STK33: variants seen among roughly 807,000 people sequenced by gnomAD.
The protein encoded by STK33 is serine/threonine kinase 33.
In STK33, 52 loss-of-function variants were observed where a neutral mutation model predicts 58.0. The ratio of observed to expected loss-of-function variants is 0.90; its 90% CI spans 0.72 to 1.13. STK33 has a LOEUF of 1.13. STK33 is among the 50% of genes most tolerant of loss of function. The pLI is 0.00. For missense variants in STK33, 630 were observed against 604.2 expected, an observed-to-expected ratio of 1.04 and a Z score of -0.45; for synonymous variants, 215 against 200.1, an observed-to-expected ratio of 1.07 and a Z score of -0.63.
chr11:8,582,833 A>G (rs1347506672), intron 1 of STK33, among the ~76,000 whole-genome samples: 6 of 152,202 alleles, frequency 3.9e-5, no homozygotes, highest in Non-Finnish European at 1.5e-5. Context: ...TAAGTCACCA[A>G]AGCAAACCCT....
chr11:8,353,368 C>T, the STK33 span, among the ~76,000 whole-genome samples: 7 of 152,328 alleles, frequency 4.6e-5, no homozygotes, highest in South Asian at 8.3e-4. Context: ...TCAAAGCGTC[C>T]TTTTGTCTCT....
chr11:8,579,214 T>A (rs1380376480), intron 1 of STK33, among the ~76,000 whole-genome samples: 1 of 151,994 alleles, frequency 6.6e-6, no homozygotes, highest in African/African-American at 2.4e-5. Flanking sequence ...TGTGAGCAAT[T>A]AGGAACCATC....
intron 1 of STK33, among the ~76,000 whole-genome samples, chr11:8,495,367 T>C (rs1950977538): frequency 6.6e-6 from 1 of 152,150 alleles, no homozygotes; most frequent in Admixed American, 6.5e-5. Flanking sequence ...TCACTGGTCA[T>C]TAGAGAAATG....
intron 1 of STK33, among the ~76,000 whole-genome samples, chr11:8,491,506 T>C (rs1056662469): frequency 6.6e-6 from 1 of 152,220 alleles, no homozygotes; most frequent in South Asian, 2.1e-4. Flanking sequence ...TGGAACCAAG[T>C]TGGAAAACAC....
chr11:8,430,782 T>C (rs1403995634), intron 14 of STK33, among the ~76,000 whole-genome samples: 1 of 152,146 alleles, frequency 6.6e-6, no homozygotes, highest in Non-Finnish European at 1.5e-5. Flanking sequence ...CAATAAATAT[T>C]TGTTGAATTA....
At chr11:8,473,625 TC>T (rs765510523) in intron 5 of STK33, among the ~76,000 whole-genome samples, 2 of 152,280 alleles carry the variant, frequency 1.3e-5, no homozygotes, top group East Asian at 3.9e-4. Flanking sequence ...ACAACCATTA[TC>T]AAACAGCTTA....
chr11:8,434,536 T>C (rs955275024), intron 14 of STK33, among the ~76,000 whole-genome samples: 2 of 152,196 alleles, frequency 1.3e-5, no homozygotes, highest in African/African-American at 4.8e-5. Flanking sequence ...CTGCACACTA[T>C]ATCGTAAAGA....
At chr11:8,443,706 A>G (rs1046010472) in intron 11 of STK33, among the ~76,000 whole-genome samples, 5 of 152,192 alleles carry the variant, frequency 3.3e-5, no homozygotes, top group Non-Finnish European at 5.9e-5. Flanking sequence ...AAGTTATAAT[A>G]AAAAACAAAC....
intron 14 of STK33, among the ~76,000 whole-genome samples, chr11:8,423,263 T>C (rs1590932857): frequency 6.6e-6 from 1 of 151,938 alleles, no homozygotes; most frequent in Non-Finnish European, 1.5e-5. Context: ...TAGTTGATTT[T>C]CGCTCTTAGT....
chr11:8,454,867 GAAT>G (rs1946663566), intron 9 of STK33, 35 bp from the exon 10 acceptor site: 2 of 1,488,874 alleles, frequency 1.3e-6, no homozygotes, highest in South Asian at 1.3e-5. Context: ...CAAATGAAAT[GAAT>G]AATGGAAAAA....
At chr11:8,370,459 A>G in the STK33 span, among the ~76,000 whole-genome samples, 1 of 152,016 alleles carries the variant, frequency 6.6e-6, no homozygotes, top group Non-Finnish European at 1.5e-5. Flanking sequence ...TGCCTCCAAA[A>G]ATGCTGAGAT....
At chr11:8,550,741 T>A (rs1956246370) in intron 1 of STK33, among the ~76,000 whole-genome samples, 1 of 152,188 alleles carries the variant, frequency 6.6e-6, no homozygotes, top group Non-Finnish European at 1.5e-5. Flanking sequence ...CTGGGCTTTG[T>A]TGTCCATATC....
Position 8,523,859 on chromosome 11 carries a change from C to T in STK33, c.-465-43245G>A, listed in dbSNP as rs375798974. On this transcript the variant is annotated intron_variant, in intron 1 of 15. Transcript: ENST00000687296. ...TGAGAATGGGCCATGATGACGATGGCGGTTTTGTCGAATAGAAAAGGGGGA... is the reference window on the plus strand; with the variant it reads ...TGAGAATGGGCCATGATGACGATGGTGGTTTTGTCGAATAGAAAAGGGGGA... Among the ~76,000 whole-genome samples the T allele has an allele frequency of 5.2e-4, 79 of 152,230 alleles. 1 individual carries two copies. The South Asian group carries it at 0.016, about 31-fold the overall frequency.
the STK33 span, among the ~76,000 whole-genome samples, chr11:8,355,175 G>A: frequency 6.6e-6 from 1 of 152,146 alleles, no homozygotes; most frequent in African/African-American, 2.4e-5. Flanking sequence ...CCCTCACCAG[G>A]CAGTCAGTAC....
intron 1 of STK33, among the ~76,000 whole-genome samples, chr11:8,492,630 T>A (rs1591463402): frequency 6.6e-6 from 1 of 152,148 alleles, no homozygotes; most frequent in South Asian, 2.1e-4. Flanking sequence ...CCACCCCAAA[T>A]CAACAGAATA....
intron 1 of STK33, among the ~76,000 whole-genome samples, chr11:8,529,830 C>A (rs1954373608): frequency 6.6e-6 from 1 of 152,108 alleles, no homozygotes; most frequent in Non-Finnish European, 1.5e-5. Flanking sequence ...CATGCTGACA[C>A]CTTCATTTTG....
intron 14 of STK33, among the ~76,000 whole-genome samples, chr11:8,427,839 C>T (rs1309949020): frequency 6.6e-6 from 1 of 152,128 alleles, no homozygotes; most frequent in Non-Finnish European, 1.5e-5. Context: ...CCTTATCTCT[C>T]TTAGTATGTT....
chr11:8,519,593 T>G (rs532936281), intron 1 of STK33, among the ~76,000 whole-genome samples: 3 of 152,136 alleles, frequency 2.0e-5, no homozygotes, highest in African/African-American at 7.2e-5. Context: ...GATAGACTGC[T>G]AGCAAGACTA....
chr11:8,547,154 A>C (rs1955985516), intron 1 of STK33, among the ~76,000 whole-genome samples: 1 of 152,124 alleles, frequency 6.6e-6, no homozygotes, highest in African/African-American at 2.4e-5. Context: ...CATTTCCCTT[A>C]TGATTAGCGA....
Sources: allele counts gnomAD v4.1 joint callset (sites outside exome capture counted in the v4.1 genomes callset), GRCh38; gene constraint gnomAD v4.1.1; transcripts MANE v1.5; gene names NCBI Gene and HGNC (gene_info 2026-07-23, HGNC 2026-07-21).